The following RAPGEF2 variants were observed in gnomAD, a reference collection of about 807,000 sequenced individuals.
RAPGEF2 encodes Rap guanine nucleotide exchange factor 2.
In RAPGEF2, 54 loss-of-function variants were observed where a neutral mutation model predicts 186.7. That is an observed-to-expected ratio of 0.29 (90% CI 0.23 to 0.36). The LOEUF (loss-of-function observed/expected upper bound fraction) is 0.36. Ranked by LOEUF, RAPGEF2 falls within the 10% of genes least tolerant of loss-of-function variation. The pLI is 1.00. For synonymous variants in RAPGEF2, 712 were observed against 705.9 expected, an observed-to-expected ratio of 1.01 and a Z score of -0.14; for missense variants, 1,532 against 2,045.0, an observed-to-expected ratio of 0.75 and a Z score of 4.84.
At chr4:159,143,214 C>A (rs1204211183) in intron 1 of RAPGEF2, among the ~76,000 whole-genome samples, 1 of 152,000 alleles carries the variant, frequency 6.6e-6, no homozygotes, top group Non-Finnish European at 1.5e-5. Context: ...GCACTCCAGA[C>A]TGGGCAATAC....
At chr4:159,346,649 T>C in intron 24 of RAPGEF2, 140 bp from the exon 25 acceptor site, 1 of 720,400 alleles carries the variant, frequency 1.4e-6, no homozygotes, top group Non-Finnish European at 2.3e-6. Flanking sequence ...CTGTGCTTCA[T>C]AAAGGCAACA....
chr4:159,234,633 G>T (rs556682489), intron 4 of RAPGEF2, among the ~76,000 whole-genome samples: 2 of 146,838 alleles, frequency 1.4e-5, no homozygotes, highest in East Asian at 4.0e-4. Flanking sequence ...TCGGCTCACT[G>T]CAAGCTCCAC....
intron 29 of RAPGEF2, among the ~76,000 whole-genome samples, chr4:159,357,635 A>G (rs746159768): frequency 5.9e-5 from 9 of 152,232 alleles, no homozygotes; most frequent in Non-Finnish European, 1.2e-4. Flanking sequence ...GTGAGCCGAG[A>G]ACACTGCACT....
chr4:159,143,785 T>A (rs1742612628), intron 1 of RAPGEF2, among the ~76,000 whole-genome samples: 1 of 152,202 alleles, frequency 6.6e-6, no homozygotes, highest in Non-Finnish European at 1.5e-5. Context: ...TCTCTGACTC[T>A]GAGCAAATGC....
intron 7 of RAPGEF2, among the ~76,000 whole-genome samples, chr4:159,259,418 G>A (rs774149760): frequency 1.3e-5 from 2 of 152,138 alleles, no homozygotes; most frequent in African/African-American, 2.4e-5. Flanking sequence ...CAATCTTTTC[G>A]TTAGAAGTTA....
At chr4:159,233,798 A>G (rs1752920253) in intron 4 of RAPGEF2, among the ~76,000 whole-genome samples, 1 of 152,074 alleles carries the variant, frequency 6.6e-6, no homozygotes, top group African/African-American at 2.4e-5. Flanking sequence ...ATAAGGAAAA[A>G]AAGTCCTTTT....
chr4:159,196,133 G>C (rs1185842592), intron 3 of RAPGEF2, among the ~76,000 whole-genome samples: 3 of 152,102 alleles, frequency 2.0e-5, no homozygotes, highest in Non-Finnish European at 4.4e-5. Context: ...GAGACTAATT[G>C]TAAATTCACA....
chr4:159,295,754 T>TGTGTGTGCGC (rs1386754001), intron 7 of RAPGEF2, among the ~76,000 whole-genome samples: 72 of 113,988 alleles, frequency 6.3e-4, no homozygotes, highest in Non-Finnish European at 1.1e-3. Context: ...TGTGTGTGTG[T>TGTGTGTGCGC]GCGCGCGCGC....
chr4:159,214,856 A>G (rs1262643819), intron 4 of RAPGEF2, among the ~76,000 whole-genome samples: 1 of 152,184 alleles, frequency 6.6e-6, no homozygotes, highest in African/African-American at 2.4e-5. Context: ...AAAACAGTAT[A>G]CAATTTTTAT....
chr4:159,251,739 A>G (rs1434661301), intron 7 of RAPGEF2, among the ~76,000 whole-genome samples: 1 of 152,090 alleles, frequency 6.6e-6, no homozygotes, highest in Non-Finnish European at 1.5e-5. Flanking sequence ...CACCCTGTCA[A>G]AACGGGCCAA....
At chr4:159,238,448 C>G (rs1199652665) in intron 4 of RAPGEF2, among the ~76,000 whole-genome samples, 1 of 152,124 alleles carries the variant, frequency 6.6e-6, no homozygotes, top group Non-Finnish European at 1.5e-5. Context: ...TGGGACATTT[C>G]TATAGTTTGC....
rs1730110487 is a variant in RAPGEF2 at position 159,345,220 on chromosome 4, T to A, written c.3393T>A (p.Asp1131Glu). The change falls in exon 24 of 30, where the codon GAT becomes GAA. Residue 1131 changes from aspartate to glutamate, a missense_variant. Physicochemically the swap from Asp to Glu is conservative, Grantham distance 45. This residue lies in a region of RAPGEF2 where 117 missense variants were observed against 180.8 expected (regional missense o/e 0.65). Transcript: ENST00000691494. The stretch of plus-strand genomic sequence containing the variant: ...TCAATGCCAAAAAGCTTTATGAAGA[T>A]GCCCAAATGGCTCGAAAAGTGAAGC... ...SFLNAKKLYE[D>E]AQMARKVKQY... 6.2e-7 allele frequency: 1 copy of A among 1,614,224 alleles called. No homozygotes were observed. The highest frequency in any genetic ancestry group is 8.5e-7 in the Non-Finnish European group (1 of 1,180,018).
Position 159,241,239 on chromosome 4 carries a change from G to T in RAPGEF2, c.396G>T (p.Arg132=), listed in dbSNP as rs2111476216. 2 of 1,530,198 alleles carry T rather than the reference G, an allele frequency of 1.3e-6. No homozygotes were observed. The highest frequency in any genetic ancestry group is 1.4e-5 in the African/African-American group (1 of 72,936). The allele number at this position is 1,530,198 out of a possible 1,614,324, so 94.8% of individuals were successfully genotyped here. ...YMDENEEYFQ[R]QASHRQSRRR... ...ATGAAAATGAAGAATATTTTCAGCG[G>T]CAAGCTTCCCATAGACAGTCTCGAA... is the stretch of plus-strand genomic sequence containing the variant. The change falls in exon 6 of 30, where the codon CGG becomes CGT. Residue 132 remains arginine, a synonymous_variant. Coordinates refer to ENST00000691494, the MANE Select transcript of RAPGEF2 (RefSeq NM_001394067.2).
chr4:159,330,037 A>G, intron 12 of RAPGEF2, 27 bp downstream of exon 12: 6 of 1,574,208 alleles, frequency 3.8e-6, no homozygotes, highest in African/African-American at 1.4e-5. Context: ...CTCCTTCCCA[A>G]GGAAAGGAAT....
chr4:159,291,895 A>G (rs747500312), intron 7 of RAPGEF2, among the ~76,000 whole-genome samples: 2 of 152,096 alleles, frequency 1.3e-5, no homozygotes, highest in African/African-American at 4.8e-5. Context: ...AAAGTAATTC[A>G]TATTTATATT....
At chr4:159,329,561 T>C (rs1766384171) in intron 11 of RAPGEF2, 1 of 173,340 alleles carries the variant, frequency 5.8e-6, no homozygotes, top group African/African-American at 2.4e-5. Context: ...TGTTTTTTAA[T>C]TGTGAAAGAA....
At chr4:159,155,910 T>C (rs1204430036) in intron 1 of RAPGEF2, among the ~76,000 whole-genome samples, 4 of 152,216 alleles carry the variant, frequency 2.6e-5, no homozygotes, top group Non-Finnish European at 5.9e-5. Flanking sequence ...ATTTCTATTA[T>C]AACTTTTACT....
chr4:159,259,781 A>G (rs1476977909), intron 7 of RAPGEF2, among the ~76,000 whole-genome samples: 1 of 152,168 alleles, frequency 6.6e-6, no homozygotes, highest in East Asian at 1.9e-4. Context: ...GTGTTTTGGT[A>G]ATATTTAAGA....
intron 3 of RAPGEF2, among the ~76,000 whole-genome samples, chr4:159,195,412 A>C (rs1748533797): frequency 6.6e-6 from 1 of 152,214 alleles, no homozygotes. Flanking sequence ...GATAGTATTG[A>C]TGATGATGAG....
Sources: gnomAD v4.1 joint callset for allele counts (sites outside exome capture counted in the v4.1 genomes callset) on GRCh38, gnomAD v4.1.1 for gene constraint, gnomAD v4.1.1 regional missense constraint, MANE v1.5 for transcripts, NCBI Gene and HGNC (gene_info 2026-07-23, HGNC 2026-07-21) for gene names.